Variants in TBCD observed in about 807,000 individuals in gnomAD.
TBCD encodes the protein tubulin-specific chaperone D.
Under a neutral mutation model 169.3 loss-of-function variants are expected in TBCD, and 105 were observed. The observed-to-expected ratio is 0.62, with a 90% CI of 0.53 to 0.73. The LOEUF is 0.73. Among genes scored for constraint, TBCD ranks in the 30% least tolerant of loss-of-function variants. The probability of loss-of-function intolerance (pLI) is 0.00; values close to 1 mark genes in which losing one functional copy is unlikely to be tolerated. For synonymous variants in TBCD, 700 were observed against 643.9 expected (o/e 1.09, Z -1.32); for missense variants, 1,444 against 1,600.1 (o/e 0.90, Z 1.66).
chr17:82,865,537 C>T (rs118159005), intron 13 of TBCD: 24,739 of 985,384 alleles, frequency 0.025, 359 homozygotes, highest in South Asian at 0.07. Flanking sequence ...GTCTGTGCCG[C>T]GGGGGTACTC....
intron 18 of TBCD, among the ~76,000 whole-genome samples, chr17:82,901,115 C>T (rs897551139): frequency 4.6e-5 from 7 of 152,268 alleles, no homozygotes; most frequent in African/African-American, 1.4e-4. Context: ...TGCGCTGTCT[C>T]CTGGGAGCCC....
At chr17:82,838,725 T>C (rs2145406947) in intron 13 of TBCD, 1 of 985,374 alleles carries the variant, frequency 1.0e-6, no homozygotes. Flanking sequence ...AACCAAGACC[T>C]GGGGAAAAGA....
rs2058589614 is a variant in TBCD at position 82,884,448 on chromosome 17, T to C, written c.1533+246T>C. On this transcript the variant is annotated intron_variant, in intron 15 of 38. Coordinates refer to ENST00000355528, the MANE Select transcript of TBCD (RefSeq NM_005993.5). This position sits in a 1 kb window ranked among gnomAD's most constrained non-coding sequence, Gnocchi z 4.2. ...TGCAGCCATCACTGCTGGGGGTTGA[T>C]GGGTGATGGAGGCGAGTGGGAGGTG... Among the ~76,000 whole-genome samples the C allele has an allele frequency of 6.6e-6, 1 of 152,124 alleles. No homozygotes were observed. Among genetic ancestry groups the C allele is most frequent in the Admixed American group, 6.5e-5 (1 of 15,270 alleles).
At chr17:82,912,599 T>A (rs1175034205) in intron 23 of TBCD, among the ~76,000 whole-genome samples, 1 of 146,278 alleles carries the variant, frequency 6.8e-6, no homozygotes, top group East Asian at 2.0e-4. Flanking sequence ...GAGGCACAGC[T>A]GGTGAGGAAG....
chr17:82,887,195 G>C (rs926671453), intron 15 of TBCD, among the ~76,000 whole-genome samples: 16 of 149,214 alleles, frequency 1.1e-4, no homozygotes, highest in Admixed American at 1.1e-3. Context: ...GCGCTCACGC[G>C]TTTACTTCTG....
rs1215512457 is a variant in TBCD at position 82,905,921 on chromosome 17, C to T, written c.1805-15C>T. On this transcript the variant is annotated splice_polypyrimidine_tract_variant and intron_variant, in intron 19 of 38. Transcript: ENST00000355528. ...TACACACCCTCACCTGCCCTCTCGG[C>T]CCTGTCTCTTGCAGTCTTCCCGAGG... 3 of 1,599,242 alleles carry T rather than the reference C, an allele frequency of 1.9e-6. No homozygotes were observed. The highest frequency in any genetic ancestry group is 2.6e-6 in the Non-Finnish European group (3 of 1,170,958).
At chr17:82,774,666 C>T (rs962784074) in intron 6 of TBCD, among the ~76,000 whole-genome samples, 10 of 152,104 alleles carry the variant, frequency 6.6e-5, no homozygotes, top group African/African-American at 1.2e-4. Flanking sequence ...GAGCGGCGGC[C>T]GGGCGGGGGC....
chr17:82,939,255 T>G (rs1181116533), intron 36 of TBCD, 112 bp from the exon 37 acceptor site: 14 of 826,862 alleles, frequency 1.7e-5, no homozygotes, highest in Non-Finnish European at 2.8e-5. Context: ...AGGGTCAGCG[T>G]CCTCCTCCTG....
At chr17:82,805,848 G>T (rs772342354) in intron 9 of TBCD, 27 bp from the exon 10 acceptor site, 5 of 1,589,234 alleles carry the variant, frequency 3.1e-6, no homozygotes, top group South Asian at 2.2e-5. Flanking sequence ...CTACAAAGCT[G>T]ATCTGAGGAT....
At chr17:82,842,983 T>C (rs2054656638) in intron 13 of TBCD, among the ~76,000 whole-genome samples, 1 of 151,894 alleles carries the variant, frequency 6.6e-6, no homozygotes, top group Non-Finnish European at 1.5e-5. Flanking sequence ...GGTTTCACCG[T>C]GTTAGCCAGG....
intron 13 of TBCD, chr17:82,859,636 G>A: frequency 1.0e-6 from 1 of 985,478 alleles, no homozygotes; most frequent in Non-Finnish European, 1.2e-6. Context: ...AAAGAGTGGA[G>A]GTTGGAGTTC....
chr17:82,937,487 T>C lies in TBCD; in HGVS notation c.3281+127T>C, dbSNP rs573941247. On this transcript the variant is annotated intron_variant, in intron 35 of 38. Transcript: ENST00000355528. ...TGTTACTCCTCAAGCTAACCTAAGATCGTGCATTCCAATGTTCAAAGCAGT... is the reference window on the plus strand; with the variant it reads ...TGTTACTCCTCAAGCTAACCTAAGACCGTGCATTCCAATGTTCAAAGCAGT... The C allele has an allele frequency of 3.5e-4, 287 of 820,242 alleles. 2 individuals carry two copies. The highest frequency in any genetic ancestry group is 1.9e-3 in the South Asian group (121 of 62,916). The allele number at this position is 820,242 out of a possible 1,614,324, so 50.8% of individuals were successfully genotyped here. A position where few individuals can be genotyped will look rare whatever the true frequency, so the allele number is the denominator to read the frequency against.
intron 33 of TBCD, among the ~76,000 whole-genome samples, chr17:82,931,328 G>C (rs192414768): frequency 2.0e-5 from 3 of 152,362 alleles, no homozygotes; most frequent in East Asian, 3.9e-4. Flanking sequence ...GGGGCAGTTC[G>C]ATCGATTTTG....
At chr17:82,777,370 A>G (rs1490660686) in intron 6 of TBCD, among the ~76,000 whole-genome samples, 1 of 152,184 alleles carries the variant, frequency 6.6e-6, no homozygotes, top group Non-Finnish European at 1.5e-5. Flanking sequence ...ATAAAGACAC[A>G]AGACAAAGAG....
intron 8 of TBCD, among the ~76,000 whole-genome samples, chr17:82,798,726 C>T (rs1169843071): frequency 6.7e-6 from 1 of 149,750 alleles, no homozygotes; most frequent in Non-Finnish European, 1.5e-5. Flanking sequence ...ACAGCCACCA[C>T]CTCTTTTGCC....
At chr17:82,937,394 T>C (rs780684870) in intron 35 of TBCD, 34 bp downstream of exon 35, 1 of 1,599,950 alleles carries the variant, frequency 6.3e-7, no homozygotes, top group Admixed American at 1.7e-5. Context: ...TTAGACGGAA[T>C]GGCAGGGCGC....
Position 82,850,018 on chromosome 17 carries a change from CTGTTGTTGGCTG to C in TBCD, c.1319-20203_1319-20192del, listed in dbSNP as rs1567886833. On this transcript the variant is annotated intron_variant, in intron 13 of 38. Coordinates refer to ENST00000355528, the MANE Select transcript of TBCD (RefSeq NM_005993.5). The stretch of plus-strand genomic sequence containing the variant: ...GTTGGCTGTGCTGCTGTTGGCTGTG[CTGTTGTTGGCTG>C]TGCTGTTGTTGGCTGTGCTGTTGTT... Among the ~76,000 whole-genome samples the C allele has an allele frequency of 2.8e-4, 35 of 126,976 alleles. 1 individual carries two copies. The highest frequency in any genetic ancestry group is 9.1e-4 in the East Asian group (4 of 4,412). 83.3% of individuals were successfully genotyped at this position (126,976 alleles called of 152,430 possible).
At chr17:82,911,965 GGAGAGATT>G (rs923963399) in intron 23 of TBCD, among the ~76,000 whole-genome samples, 176 bp downstream of exon 23, 4 of 152,182 alleles carry the variant, frequency 2.6e-5, no homozygotes, top group Non-Finnish European at 5.9e-5. Context: ...TTCCTACGAG[GGAGAGATT>G]GAGAGATTGA....
At chr17:82,939,572 T>C (rs1295692658) in intron 37 of TBCD, 96 bp downstream of exon 37, 13 of 992,680 alleles carry the variant, frequency 1.3e-5, no homozygotes, top group Non-Finnish European at 1.8e-5. Flanking sequence ...AACCCTCTGA[T>C]AGGAGGAGGA....
Sources: gnomAD v4.1 joint callset for allele counts (sites outside exome capture counted in the v4.1 genomes callset) on GRCh38, gnomAD v4.1.1 for gene constraint, Gnocchi (gnomAD v3.1) non-coding constraint, MANE v1.5 for transcripts, NCBI Gene and HGNC (gene_info 2026-07-23, HGNC 2026-07-21) for gene names.